The following MEGF11 variants were observed in gnomAD, a reference collection of about 807,000 sequenced individuals.
The protein encoded by MEGF11 is multiple epidermal growth factor-like domains protein 11.
In MEGF11, 126 loss-of-function variants were observed where a neutral mutation model predicts 146.6. That is an observed-to-expected ratio of 0.86 (90% CI 0.74 to 1.00). MEGF11 has a LOEUF of 1.00. MEGF11 is among the 50% of genes least tolerant of loss of function. The pLI is 0.00. For missense variants in MEGF11, 1,509 were observed against 1,521.2 expected, an observed-to-expected ratio of 0.99 and a Z score of 0.13; for synonymous variants, 532 against 583.4, an observed-to-expected ratio of 0.91 and a Z score of 1.27.
chr15:65,913,007 C>G (rs984174775), intron 20 of MEGF11, among the ~76,000 whole-genome samples: 8 of 152,166 alleles, frequency 5.3e-5, no homozygotes, highest in African/African-American at 1.9e-4. Flanking sequence ...GACTATAGGG[C>G]AATTTCAGAG....
intron 19 of MEGF11, 30 bp downstream of exon 19, chr15:65,915,440 G>T: frequency 6.2e-7 from 1 of 1,608,930 alleles, no homozygotes; most frequent in Non-Finnish European, 8.5e-7. Context: ...CCTTTCCACA[G>T]ACCCCGGGGC....
chr15:66,100,032 C>G (rs1391524895), intron 4 of MEGF11, among the ~76,000 whole-genome samples: 1 of 152,198 alleles, frequency 6.6e-6, no homozygotes, highest in East Asian at 1.9e-4. Flanking sequence ...AGGCCCCAGT[C>G]CCACCTTCAG....
chr15:65,918,162 C>T (rs1478553630), intron 15 of MEGF11, 68 bp from the exon 16 acceptor site: 9 of 1,597,688 alleles, frequency 5.6e-6, no homozygotes, highest in African/African-American at 1.3e-5. Context: ...CCCACAGCCT[C>T]ATCCCTAGAA....
chr15:65,932,558 A>C (rs2079617073), intron 10 of MEGF11, among the ~76,000 whole-genome samples: 1 of 152,082 alleles, frequency 6.6e-6, no homozygotes, highest in South Asian at 2.1e-4. Context: ...GGATCCAGGT[A>C]GGAAGAGGGT....
At chr15:66,243,743 C>T (rs1830256773) in intron 1 of MEGF11, among the ~76,000 whole-genome samples, 1 of 152,028 alleles carries the variant, frequency 6.6e-6, no homozygotes, top group African/African-American at 2.4e-5. Flanking sequence ...GGATGATAAA[C>T]CAGGCAAGTC....
At chr15:65,960,548 C>T (rs372434340) in intron 9 of MEGF11, among the ~76,000 whole-genome samples, 3 of 152,210 alleles carry the variant, frequency 2.0e-5, no homozygotes, top group Non-Finnish European at 2.9e-5. Context: ...TTAGGGTTAG[C>T]GTAGAGAGAC....
chr15:66,136,462 C>G (rs1336516705), intron 1 of MEGF11, among the ~76,000 whole-genome samples: 1 of 152,170 alleles, frequency 6.6e-6, no homozygotes, highest in Non-Finnish European at 1.5e-5. Context: ...TGGCTGTCAG[C>G]CCACAGACAT....
At chr15:65,924,374 G>GC (rs796451892) in intron 13 of MEGF11, among the ~76,000 whole-genome samples, 252 of 82,974 alleles carry the variant, frequency 3.0e-3, no homozygotes, top group African/African-American at 0.014. Flanking sequence ...GGGTGTGGGT[G>GC]GGGGGGGGGG....
chr15:66,153,304 G>T (rs1005612574), intron 1 of MEGF11, among the ~76,000 whole-genome samples: 1 of 152,216 alleles, frequency 6.6e-6, no homozygotes, highest in African/African-American at 2.4e-5. Context: ...GCCAGGCGCG[G>T]TGGCTCACAC....
At chr15:66,069,620 C>A (rs986775274) in intron 5 of MEGF11, among the ~76,000 whole-genome samples, 1 of 152,150 alleles carries the variant, frequency 6.6e-6, no homozygotes, top group South Asian at 2.1e-4. Flanking sequence ...TCTTAACTGC[C>A]ACAGAGTCAG....
intron 5 of MEGF11, among the ~76,000 whole-genome samples, chr15:65,985,169 GT>G (rs1472189268): frequency 1.3e-5 from 2 of 152,182 alleles, no homozygotes; most frequent in Non-Finnish European, 2.9e-5. Flanking sequence ...TGTAAGTTAG[GT>G]TTTCTTATTT....
chr15:66,103,568 T>C (rs1213940734), intron 4 of MEGF11, among the ~76,000 whole-genome samples: 1 of 151,014 alleles, frequency 6.6e-6, no homozygotes, highest in Non-Finnish European at 1.5e-5. Context: ...AGGGAAAGAG[T>C]AAGAGGAGGA....
intron 5 of MEGF11, among the ~76,000 whole-genome samples, chr15:65,984,451 G>A (rs566858198): frequency 4.7e-5 from 7 of 149,202 alleles, no homozygotes; most frequent in Admixed American, 1.4e-4. Flanking sequence ...GCTTGAACCC[G>A]GGAGGCAGAG....
intron 1 of MEGF11, among the ~76,000 whole-genome samples, chr15:66,188,956 A>G (rs960894741): frequency 1.3e-5 from 2 of 152,130 alleles, no homozygotes; most frequent in African/African-American, 4.8e-5. Flanking sequence ...TCGCCTTACA[A>G]TCTGTGATGA....
At chr15:65,909,458 C>T (rs1369822902) in intron 22 of MEGF11, among the ~76,000 whole-genome samples, 1 of 152,048 alleles carries the variant, frequency 6.6e-6, no homozygotes, top group East Asian at 1.9e-4. Context: ...GCAGAGGTTC[C>T]TATCCAGATG....
chr15:65,932,066 C>T (rs2079597982), intron 10 of MEGF11, among the ~76,000 whole-genome samples: 1 of 152,140 alleles, frequency 6.6e-6, no homozygotes, highest in Non-Finnish European at 1.5e-5. Flanking sequence ...TGAGAATAAT[C>T]CCGATGAGAA....
intron 1 of MEGF11, among the ~76,000 whole-genome samples, chr15:66,232,473 C>T (rs74732554): frequency 1.3e-5 from 2 of 152,210 alleles, no homozygotes; most frequent in African/African-American, 4.8e-5. Flanking sequence ...TGAGCTCCAC[C>T]CTTCTCTTTG....
At chr15:66,093,335 CAGAG>C (rs1174018548) in intron 5 of MEGF11, among the ~76,000 whole-genome samples, 1 of 152,154 alleles carries the variant, frequency 6.6e-6, no homozygotes, top group East Asian at 1.9e-4. Flanking sequence ...TCCACTGCAG[CAGAG>C]AGAGGGGAAA....
At chr15:66,062,636 C>A (rs1329500820) in intron 5 of MEGF11, among the ~76,000 whole-genome samples, 1 of 152,198 alleles carries the variant, frequency 6.6e-6, no homozygotes, top group African/African-American at 2.4e-5. Context: ...GCCAGTTAAG[C>A]TGTGCCCAAA....
Sources: allele counts gnomAD v4.1 joint callset (sites outside exome capture counted in the v4.1 genomes callset), GRCh38; gene constraint gnomAD v4.1.1; transcripts MANE v1.5; gene names NCBI Gene and HGNC (gene_info 2026-07-23, HGNC 2026-07-21).